The following FRMPD4 variants were observed in gnomAD, a reference collection of about 807,000 sequenced individuals.
The protein encoded by FRMPD4 is FERM and PDZ domain-containing protein 4.
A neutral mutation model predicts 94.1 loss-of-function variants in FRMPD4; 22 were observed. That is an observed-to-expected ratio of 0.23 (90% CI 0.17 to 0.33). The LOEUF is 0.33. Ranked by LOEUF, FRMPD4 falls within the 10% of genes least tolerant of loss-of-function variation. FRMPD4 has a pLI of 1.00. For missense variants in FRMPD4, 1,111 were observed against 1,339.9 expected (o/e 0.83, Z 2.67); for synonymous variants, 631 against 548.6 (o/e 1.15, Z -2.10).
intron 1 of FRMPD4, among the ~76,000 whole-genome samples, chrX:12,434,014 C>G (rs1291442859): frequency 1.8e-5 from 2 of 111,499 alleles, no homozygotes; most frequent in Non-Finnish European, 3.8e-5. Flanking sequence ...GGAGTAGAAG[C>G]TTCAAGCGTG....
intron 3 of FRMPD4, among the ~76,000 whole-genome samples, chrX:11,935,263 TA>T (rs1403591808): frequency 0.031 from 433 of 13,997 alleles, 26 homozygotes; most frequent in Admixed American, 0.047. Flanking sequence ...TTTTTTTTTT[TA>T]ATGTGTTTTT....
intron 1 of FRMPD4, among the ~76,000 whole-genome samples, chrX:12,440,926 T>C (rs1167081228): frequency 8.9e-6 from 1 of 112,249 alleles, no homozygotes; most frequent in African/African-American, 3.2e-5. Context: ...ATAATTCTTC[T>C]GATAGTTCTA....
At chrX:12,654,512 T>C (rs1343977170) in intron 4 of FRMPD4, among the ~76,000 whole-genome samples, 1 of 111,744 alleles carries the variant, frequency 8.9e-6, no homozygotes, top group East Asian at 2.8e-4. Flanking sequence ...GTATATTCAT[T>C]CTCCTATAAA....
rs200324017 is a variant in FRMPD4 at position 12,718,240 on chromosome X, C to A, written c.3414C>A (p.Thr1138=). 5.0e-6 allele frequency: 6 copies of A among 1,209,695 alleles called. No individual in the cohort carries two copies. The African/African-American group carries it at 5.2e-5, about 11-fold the overall frequency. ...AAGAAGGAGCTCCTGATGGAGAAAC[C>A]AGTGATGGCTCAGGACTTGGTCAAG... The part of the protein sequence containing the change: ...GKEEGAPDGE[T]SDGSGLGQGD... The change falls in exon 16 of 17, where the codon ACC becomes ACA. Residue 1138 remains threonine, a synonymous_variant. Transcript: ENST00000675598.
At chrX:12,667,507 G>T (rs2059792135) in intron 4 of FRMPD4, among the ~76,000 whole-genome samples, 1 of 111,861 alleles carries the variant, frequency 8.9e-6, no homozygotes. Flanking sequence ...TTTTTAAATG[G>T]TATAAATATA....
rs970640054 is a variant in FRMPD4, at chrX:12,020,342, T to C, written c.95+142324T>C. The stretch of plus-strand genomic sequence containing the variant: ...ATCTTAATGGCTTAACACAGTGAAG[T>C]TTATTTCTTGTTCACACAACCAGTC... On this transcript the variant is annotated intron_variant, in intron 3 of 18. Transcript: ENST00000640291. Among the ~76,000 whole-genome samples the C allele has an allele frequency of 2.0e-4, 23 of 112,271 alleles. 1 individual carries two copies. Among genetic ancestry groups the C allele is most frequent in the African/African-American group, 7.4e-4 (23 of 30,930 alleles).
rs188910653 is a variant in FRMPD4, at chrX:12,062,312, G to A, written c.95+184294G>A. On this transcript the variant is annotated intron_variant, in intron 3 of 18. Coordinates refer to the FRMPD4 transcript ENST00000640291. ...CTTTATGGTATTCCAAAATATGTATGTAATAAATTTAACCATTAATATAGA... is the reference window on the plus strand; with the variant it reads ...CTTTATGGTATTCCAAAATATGTATATAATAAATTTAACCATTAATATAGA... 3.1e-4 allele frequency among the ~76,000 whole-genome samples: 35 copies of A among 111,957 alleles called. No individual in the cohort carries two copies. The East Asian group carries it at 9.8e-3, about 31-fold the overall frequency.
At chrX:12,171,113 C>T (rs145523494) in intron 1 of FRMPD4, among the ~76,000 whole-genome samples, 1,156 of 112,300 alleles carry the variant, frequency 0.01, 13 homozygotes, top group African/African-American at 0.035. Context: ...TTTTTATTTC[C>T]CTGGTCATAA....
chrX:12,406,538 G>A lies in FRMPD4; in HGVS notation c.42-92142G>A, dbSNP rs769735262. On this transcript the variant is annotated intron_variant, in intron 1 of 16. Transcript: ENST00000675598. ...CCCTCTCTCCCTCCAACCACTCTGG[G>A]TAGGTTAGTATTTGCCTTCGGGGAA... Among the ~76,000 whole-genome samples the A allele has an allele frequency of 4.5e-5, 5 of 112,181 alleles. No individual in the cohort carries two copies. The East Asian group carries it at 1.1e-3, about 25-fold the overall frequency.
At chrX:12,417,088 G>C (rs1304323150) in intron 1 of FRMPD4, among the ~76,000 whole-genome samples, 1 of 110,986 alleles carries the variant, frequency 9.0e-6, no homozygotes, top group Non-Finnish European at 1.9e-5. Context: ...TATAGCATGA[G>C]TGCATACTCT....
At chrX:12,089,318 A>G in intron 3 of FRMPD4, among the ~76,000 whole-genome samples, 1 of 112,165 alleles carries the variant, frequency 8.9e-6, no homozygotes, top group Middle Eastern at 4.6e-3. Flanking sequence ...GAGTAAACCA[A>G]GGAGTGGAAT....
chrX:11,954,589 G>C (rs2054244314), intron 3 of FRMPD4, among the ~76,000 whole-genome samples: 1 of 111,430 alleles, frequency 9.0e-6, no homozygotes, highest in African/African-American at 3.3e-5. Flanking sequence ...AAGTAAGGAG[G>C]GAAAAAGGTT....
intron 1 of FRMPD4, among the ~76,000 whole-genome samples, chrX:12,479,385 T>TATATATATACATACAC (rs1555971391): frequency 2.4e-5 from 2 of 84,576 alleles, no homozygotes; most frequent in African/African-American, 9.6e-5. Flanking sequence ...TATATACACA[T>TATATATATACATACAC]ATATATATAC....
chrX:12,481,950 A>AAAAAAAAATAAAAAT (rs1569294817), intron 1 of FRMPD4, among the ~76,000 whole-genome samples: 128 of 88,380 alleles, frequency 1.4e-3, no homozygotes, highest in Middle Eastern at 5.6e-3. Flanking sequence ...CTCAAAAAAA[A>AAAAAAAAATAAAAAT]AAAAAAAAAA....
At chrX:11,965,933 T>C (rs1191774623) in intron 3 of FRMPD4, among the ~76,000 whole-genome samples, 1 of 111,674 alleles carries the variant, frequency 9.0e-6, no homozygotes, top group Non-Finnish European at 1.9e-5. Context: ...TTCCTACATT[T>C]ATCACAATAG....
At chrX:12,277,076 C>G (rs1275756241) in intron 1 of FRMPD4, among the ~76,000 whole-genome samples, 1 of 100,708 alleles carries the variant, frequency 9.9e-6, no homozygotes, top group African/African-American at 3.6e-5. Flanking sequence ...AGCCGAGATC[C>G]CGCCACTGCA....
intron 1 of FRMPD4, among the ~76,000 whole-genome samples, chrX:12,437,119 G>A (rs957564306): frequency 5.4e-5 from 6 of 110,748 alleles, no homozygotes; most frequent in Non-Finnish European, 1.1e-4. Flanking sequence ...TTATTGCTTG[G>A]AAGTTATGCA....
At chrX:12,306,306 C>G (rs2054942119) in intron 1 of FRMPD4, among the ~76,000 whole-genome samples, 1 of 111,330 alleles carries the variant, frequency 9.0e-6, no homozygotes, top group South Asian at 3.8e-4. Flanking sequence ...TTTCAGTTTT[C>G]TCCAATAGAC....
chrX:12,568,690 G>A (rs2058735032), intron 2 of FRMPD4, among the ~76,000 whole-genome samples: 1 of 112,093 alleles, frequency 8.9e-6, no homozygotes, highest in Non-Finnish European at 1.9e-5. Flanking sequence ...GTCTTCTACA[G>A]TATTTGAAAT....
Sources: allele counts gnomAD v4.1 joint callset (sites outside exome capture counted in the v4.1 genomes callset), GRCh38; gene constraint gnomAD v4.1.1; transcripts MANE v1.5; gene names NCBI Gene and HGNC (gene_info 2026-07-23, HGNC 2026-07-21).